The following CCDC6 variants were observed in gnomAD, a reference collection of about 807,000 sequenced individuals.
CCDC6 encodes coiled-coil domain containing 6, also known as coiled-coil domain-containing protein 6.
A neutral mutation model predicts 56.6 loss-of-function variants in CCDC6; 20 were observed. The observed-to-expected ratio is 0.35, with a 90% CI of 0.25 to 0.51. CCDC6 has a LOEUF of 0.51. CCDC6 is among the 20% of genes least tolerant of loss of function. The probability of loss-of-function intolerance (pLI) is 0.95; values close to 1 mark genes in which losing one functional copy is unlikely to be tolerated. For missense variants in CCDC6, 367 were observed against 601.1 expected, an observed-to-expected ratio of 0.61 and a Z score of 4.07; for synonymous variants, 241 against 234.4, an observed-to-expected ratio of 1.03 and a Z score of -0.26.
Position 59,906,485 on chromosome 10 carries a change from G to T in CCDC6, c.-61C>A. The T allele has an allele frequency of 7.3e-7, 1 of 1,375,146 alleles. No individual in the cohort carries two copies. Among genetic ancestry groups the T allele is most frequent in the Non-Finnish European group, 9.4e-7 (1 of 1,058,426 alleles). 85.2% of individuals were successfully genotyped at this position (1,375,146 alleles called of 1,614,324 possible). ...AGGGAGGCGGCGGCGACGAAGGCCGGGCTGCGAATGAGTGGGCGCCGGGCG... is the reference window on the plus strand; with the variant it reads ...AGGGAGGCGGCGGCGACGAAGGCCGTGCTGCGAATGAGTGGGCGCCGGGCG... On this transcript the variant is annotated 5_prime_UTR_variant, in exon 1 of 9. Coordinates refer to ENST00000263102, the MANE Select transcript of CCDC6 (RefSeq NM_005436.5).
chr10:59,811,548 T>C (rs1048085181), intron 5 of CCDC6, among the ~76,000 whole-genome samples: 2 of 152,184 alleles, frequency 1.3e-5, no homozygotes, highest in Non-Finnish European at 2.9e-5. Context: ...CAGCTTTGTA[T>C]GTATCAGCAG....
chr10:59,828,502 G>C (rs1449270915), intron 3 of CCDC6, among the ~76,000 whole-genome samples: 1 of 152,216 alleles, frequency 6.6e-6, no homozygotes, highest in African/African-American at 2.4e-5. Flanking sequence ...GAAAGCAGTA[G>C]AGTTCTTTGA....
chr10:59,814,249 A>G (rs2070694648), intron 4 of CCDC6, among the ~76,000 whole-genome samples: 1 of 152,224 alleles, frequency 6.6e-6, no homozygotes, highest in South Asian at 2.1e-4. Flanking sequence ...GGCTTCCTAA[A>G]GAAGTAAATT....
Position 59,828,013 on chromosome 10 carries a change from C to G in CCDC6, c.582+4512G>C, listed in dbSNP as rs576787578. The stretch of plus-strand genomic sequence containing the variant: ...GCAGAGTACACAAAGGCCCTCATAT[C>G]TGATGAGCTAAACTTCACTTATTAT... On this transcript the variant is annotated intron_variant, in intron 3 of 8. Transcript: ENST00000263102. 3.9e-5 allele frequency among the ~76,000 whole-genome samples: 6 copies of G among 152,332 alleles called. No individual in the cohort carries two copies. In the East Asian group the frequency reaches 1.2e-3, roughly 29 times the overall value.
At chr10:59,826,450 C>G in intron 3 of CCDC6, among the ~76,000 whole-genome samples, 1 of 152,190 alleles carries the variant, frequency 6.6e-6, no homozygotes, top group Non-Finnish European at 1.5e-5. Context: ...TGCAGGCATT[C>G]TCTGCTGGCT....
intron 2 of CCDC6, among the ~76,000 whole-genome samples, chr10:59,834,423 C>T (rs1473149743): frequency 2.6e-5 from 4 of 151,812 alleles, no homozygotes; most frequent in Admixed American, 2.6e-4. Context: ...GGTGTGGTGG[C>T]ATGCACCAGC....
intron 1 of CCDC6, among the ~76,000 whole-genome samples, chr10:59,863,056 A>G (rs1196398460): frequency 6.6e-6 from 1 of 152,228 alleles, no homozygotes; most frequent in Non-Finnish European, 1.5e-5. Context: ...TACATTAAAT[A>G]CAATATGAAT....
intron 2 of CCDC6, among the ~76,000 whole-genome samples, chr10:59,847,817 CTTTTT>C (rs757902015): frequency 4.8e-5 from 5 of 104,856 alleles, no homozygotes; most frequent in East Asian, 5.7e-4. Flanking sequence ...GCCTTTTAGA[CTTTTT>C]TTTTTTTTTT....
intron 1 of CCDC6, among the ~76,000 whole-genome samples, chr10:59,888,428 T>G (rs2071398446): frequency 6.6e-6 from 1 of 152,228 alleles, no homozygotes; most frequent in Non-Finnish European, 1.5e-5. Context: ...GGGAAGCCAG[T>G]CTGCATACCT....
chr10:59,810,034 C>A (rs939857362), intron 5 of CCDC6, among the ~76,000 whole-genome samples: 4 of 152,186 alleles, frequency 2.6e-5, no homozygotes, highest in Non-Finnish European at 2.9e-5. Flanking sequence ...TACCCCAAGC[C>A]AATTCAGTCA....
At chr10:59,835,564 C>T (rs1365296970) in intron 2 of CCDC6, among the ~76,000 whole-genome samples, 3 of 152,162 alleles carry the variant, frequency 2.0e-5, no homozygotes, top group East Asian at 1.9e-4. Context: ...AAATATCAAG[C>T]CATTCTGAGA....
intron 3 of CCDC6, among the ~76,000 whole-genome samples, chr10:59,815,948 T>G (rs1202997878): frequency 1.3e-5 from 2 of 152,086 alleles, no homozygotes; most frequent in Non-Finnish European, 2.9e-5. Flanking sequence ...ATATCCAAAG[T>G]GCGGTTTTAC....
chr10:59,865,794 G>A (rs943454440), intron 1 of CCDC6, among the ~76,000 whole-genome samples: 20 of 142,378 alleles, frequency 1.4e-4, no homozygotes, highest in African/African-American at 4.8e-4. Context: ...AGAGGTTGCA[G>A]TGATCGAGAC....
At chr10:59,852,225 TA>T (rs1250228120) in intron 2 of CCDC6, among the ~76,000 whole-genome samples, 3 of 152,210 alleles carry the variant, frequency 2.0e-5, no homozygotes, top group African/African-American at 7.2e-5. Flanking sequence ...AGGCTCAACA[TA>T]AAAGGAGAAA....
chr10:59,903,327 A>AT (rs2071518348), intron 1 of CCDC6, among the ~76,000 whole-genome samples: 1 of 152,240 alleles, frequency 6.6e-6, no homozygotes, highest in Non-Finnish European at 1.5e-5. Context: ...TTCACTGACT[A>AT]TAACAAATGG....
At chr10:59,894,777 A>G (rs1304049129) in intron 1 of CCDC6, among the ~76,000 whole-genome samples, 1 of 152,088 alleles carries the variant, frequency 6.6e-6, no homozygotes, top group Non-Finnish European at 1.5e-5. Flanking sequence ...CCAAGGCCCA[A>G]CTGGAGGGCA....
At chr10:59,795,461 C>G (rs1389122125) in intron 7 of CCDC6, among the ~76,000 whole-genome samples, 2 of 139,188 alleles carry the variant, frequency 1.4e-5, no homozygotes, top group Non-Finnish European at 3.1e-5. Context: ...TATTTTTTTT[C>G]TTATTCATTT....
chr10:59,898,812 G>A (rs1409018224), intron 1 of CCDC6, among the ~76,000 whole-genome samples: 3 of 152,138 alleles, frequency 2.0e-5, no homozygotes, highest in South Asian at 2.1e-4. Flanking sequence ...AAACAAAGGC[G>A]GGGGCAGAGA....
chr10:59,888,166 G>T (rs2071396681), intron 1 of CCDC6, among the ~76,000 whole-genome samples: 1 of 152,222 alleles, frequency 6.6e-6, no homozygotes, highest in African/African-American at 2.4e-5. Context: ...CCTGTCTGGT[G>T]CTCTCCAGCC....
Sources: allele counts gnomAD v4.1 joint callset (sites outside exome capture counted in the v4.1 genomes callset), GRCh38; gene constraint gnomAD v4.1.1; transcripts MANE v1.5; gene names NCBI Gene and HGNC (gene_info 2026-07-23, HGNC 2026-07-21).